MATR3: variants seen among roughly 807,000 people sequenced by gnomAD.
MATR3 encodes the protein matrin-3.
MATR3 carries 4 observed loss-of-function variants against 85.5 expected under a neutral mutation model. The observed-to-expected ratio is 0.05, with a 90% CI of 0.02 to 0.11. The LOEUF is 0.11. MATR3 is among the 10% of genes least tolerant of loss of function. The pLI, the probability that MATR3 is intolerant of heterozygous loss-of-function variation, is 1.00. For missense variants in MATR3, 685 were observed against 1,016.1 expected (o/e 0.67, Z 4.43); for synonymous variants, 336 against 343.1 (o/e 0.98, Z 0.23).
At chr5:139,276,441 TA>T (rs903600129) in intron 2 of MATR3, 75 of 321,670 alleles carry the variant, frequency 2.3e-4, no homozygotes, top group South Asian at 7.2e-4. Flanking sequence ...TAGCTAAATT[TA>T]AAAAAAAATT....
At chr5:139,314,633 C>A in intron 2 of MATR3, 42 bp from the exon 3 acceptor site, 1 of 1,508,274 alleles carries the variant, frequency 6.6e-7, no homozygotes. Context: ...GAAAATATTT[C>A]AGCTTTATTT....
chr5:139,317,781 G>T, intron 7 of MATR3, 60 bp downstream of exon 7: 1 of 1,421,960 alleles, frequency 7.0e-7, no homozygotes, highest in Non-Finnish European at 9.7e-7. Flanking sequence ...TGTTCTGCAA[G>T]AATTAAATGA....
intron 3 of MATR3, among the ~76,000 whole-genome samples, chr5:139,288,663 C>T (rs937068362): frequency 4.0e-4 from 60 of 151,210 alleles, no homozygotes; most frequent in Admixed American, 9.9e-4. Context: ...TTTTTTGAGA[C>T]GGAGTCTCAC....
rs1474067445 is a variant in MATR3 at position 139,331,436 on chromosome 5, G to A, written c.*2041G>A. ...ACTTTGTTGGATTTAGCAAGTTGAAGGAAAGAATGCTATGTTTTTAATACC... is the reference window on the plus strand; with the variant it reads ...ACTTTGTTGGATTTAGCAAGTTGAAAGAAAGAATGCTATGTTTTTAATACC... On this transcript the variant is annotated 3_prime_UTR_variant, in exon 15 of 15. Coordinates refer to ENST00000394805, the MANE Select transcript of MATR3 (RefSeq NM_018834.6). 2 of 454,100 alleles carry A rather than the reference G, an allele frequency of 4.4e-6. No individual in the cohort carries two copies. Among genetic ancestry groups the A allele is most frequent in the Non-Finnish European group, 8.8e-6 (2 of 226,792 alleles). The allele number at this position is 454,100 out of a possible 1,614,324, so 28.1% of individuals were successfully genotyped here.
At chr5:139,297,468 A>C (rs1426642373) in intron 1 of MATR3, among the ~76,000 whole-genome samples, 2 of 152,236 alleles carry the variant, frequency 1.3e-5, no homozygotes, top group Non-Finnish European at 2.9e-5. Context: ...AACAGAAAAC[A>C]AGCCTATGGG....
intron 7 of MATR3, 103 bp downstream of exon 7, chr5:139,317,824 CTTAAGT>C (rs1755330686): frequency 5.1e-6 from 6 of 1,187,876 alleles, no homozygotes; most frequent in African/African-American, 1.5e-5. Flanking sequence ...TCAAGGTAAT[CTTAAGT>C]TTATCAAATG....
rs1438658010 is a variant in MATR3 at position 139,329,984 on chromosome 5, T to G, written c.*589T>G. The G allele has an allele frequency of 4.4e-6, 2 of 452,820 alleles. No individual in the cohort carries two copies. The highest frequency in any genetic ancestry group is 8.9e-6 in the Non-Finnish European group (2 of 225,886). 28.1% of individuals were successfully genotyped at this position (452,820 alleles called of 1,614,324 possible). On this transcript the variant is annotated 3_prime_UTR_variant, in exon 15 of 15. Coordinates refer to ENST00000394805, the MANE Select transcript of MATR3 (RefSeq NM_018834.6). ...AAATATTAAGTAATTGGCTTTAGAT[T>G]TTGTAATTTTTTTCCCTGAGTTCCT...
intron 2 of MATR3, chr5:139,278,677 A>G: frequency 2.4e-6 from 1 of 412,366 alleles, no homozygotes; most frequent in Admixed American, 2.7e-5. Flanking sequence ...GTCTGCAATT[A>G]GTGCTTCCAC....
At chr5:139,302,091 T>C (rs998945803) in intron 1 of MATR3, among the ~76,000 whole-genome samples, 4 of 152,200 alleles carry the variant, frequency 2.6e-5, no homozygotes, top group Admixed American at 2.0e-4. Flanking sequence ...ATCTTTTCTA[T>C]TGTATGATGA....
At chr5:139,294,516 C>T (rs531470716) in intron 1 of MATR3, 14 of 152,892 alleles carry the variant, frequency 9.2e-5, no homozygotes, top group Admixed American at 2.6e-4. Flanking sequence ...AGAAACAATT[C>T]CTCCCCGCCC....
chr5:139,322,887 G>T lies in MATR3; in HGVS notation c.2068G>T (p.Asp690Tyr). 6.2e-7 allele frequency: 1 copy of T among 1,613,846 alleles called. No individual in the cohort carries two copies. The highest frequency in any genetic ancestry group is 8.5e-7 in the Non-Finnish European group (1 of 1,179,934). ...TGCTAATTTAGGTGATGTGGCTTCT[G>T]ATGGGAAAAAGGAACCATCAGATAA... is the stretch of plus-strand genomic sequence containing the variant. ...DLANLGDVAS[D>Y]GKKEPSDKAV... The change falls in exon 12 of 15, where the codon GAT (aspartate) becomes TAT (tyrosine). Residue 690 changes from aspartate to tyrosine, a missense_variant. Around this residue, in one of 9 missense-constraint regions of MATR3, gnomAD observed 215 missense variants for 194.7 expected, o/e 1.10. Transcript: ENST00000394805.
intron 12 of MATR3, among the ~76,000 whole-genome samples, chr5:139,324,930 G>C (rs1245440364): frequency 6.6e-6 from 1 of 152,000 alleles, no homozygotes; most frequent in Admixed American, 6.6e-5. Context: ...GGTGGCTCAC[G>C]CCTGTAATCC....
Position 139,297,430 on chromosome 5 carries a change from A to T in MATR3, c.-178+3625A>T, listed in dbSNP as rs574704781. Among the ~76,000 whole-genome samples the T allele has an allele frequency of 7.3e-3, 1,106 of 152,360 alleles. 14 individuals carry two copies. Among genetic ancestry groups the T allele is most frequent in the African/African-American group, 0.025 (1,049 of 41,586 alleles). On this transcript the variant is annotated intron_variant, in intron 1 of 14. Coordinates refer to ENST00000394805, the MANE Select transcript of MATR3 (RefSeq NM_018834.6). ...AAGTTCTTGATAAAAGTTTATGTGT[A>T]GAAAATTTAATGGATAATTAAAAGT...
At chr5:139,324,581 A>G (rs13160636) in intron 12 of MATR3, among the ~76,000 whole-genome samples, 3 of 152,172 alleles carry the variant, frequency 2.0e-5, no homozygotes, top group Non-Finnish European at 4.4e-5. Flanking sequence ...GGTGTGAGCC[A>G]CCATGCCTGG....
intron 14 of MATR3, among the ~76,000 whole-genome samples, chr5:139,328,895 C>CT (rs1464734437): frequency 6.6e-6 from 1 of 151,964 alleles, no homozygotes; most frequent in Non-Finnish European, 1.5e-5. Flanking sequence ...ATCCCAGCTG[C>CT]TTGGGAGGCT....
intron 1 of MATR3, among the ~76,000 whole-genome samples, chr5:139,305,331 A>T (rs1754653303): frequency 6.6e-6 from 1 of 152,202 alleles, no homozygotes; most frequent in Non-Finnish European, 1.5e-5. Context: ...TAACAGTCAC[A>T]TTTCCTTAAA....
At chr5:139,327,419 A>T (rs1186434970) in intron 14 of MATR3, among the ~76,000 whole-genome samples, 1 of 151,830 alleles carries the variant, frequency 6.6e-6, no homozygotes, top group African/African-American at 2.4e-5. Context: ...TGTAGTACAA[A>T]TTATTTTATT....
chr5:139,319,521 T>C lies in MATR3; in HGVS notation c.1602+20T>C. ...AGTCAGGTAATATACATAAGGAAGT[T>C]TTAGAGAAGATAATTTATTAAAATC... On this transcript the variant is annotated intron_variant, in intron 9 of 14. Transcript: ENST00000394805. 6.3e-7 allele frequency: 1 copy of C among 1,589,130 alleles called. No homozygotes were observed. The highest frequency in any genetic ancestry group is 1.9e-4 in the Middle Eastern group (1 of 5,212).
intron 14 of MATR3, among the ~76,000 whole-genome samples, chr5:139,327,300 T>G (rs1373182937): frequency 1.3e-5 from 2 of 149,840 alleles, no homozygotes; most frequent in Admixed American, 6.6e-5. Flanking sequence ...TGTGTGTCAC[T>G]TCTGTTTTTT....
Sources: gnomAD v4.1 joint callset for allele counts (sites outside exome capture counted in the v4.1 genomes callset) on GRCh38, gnomAD v4.1.1 for gene constraint, gnomAD v4.1.1 regional missense constraint, MANE v1.5 for transcripts, NCBI Gene and HGNC (gene_info 2026-07-23, HGNC 2026-07-21) for gene names.